Variants in NEK10 observed in about 807,000 individuals in gnomAD.
The protein encoded by NEK10 is serine/threonine-protein kinase Nek10.
Under a neutral mutation model 159.8 loss-of-function variants are expected in NEK10, and 122 were observed. That is an observed-to-expected ratio of 0.76 (90% CI 0.66 to 0.89). The LOEUF (loss-of-function observed/expected upper bound fraction) is 0.89, where lower values mean the gene tolerates loss of function less well. Ranked by LOEUF, NEK10 falls within the 40% of genes least tolerant of loss-of-function variation. NEK10 has a pLI of 0.00. For missense variants in NEK10, 1,342 were observed against 1,323.1 expected, an observed-to-expected ratio of 1.01 and a Z score of -0.22; for synonymous variants, 466 against 457.1, an observed-to-expected ratio of 1.02 and a Z score of -0.25.
At chr3:27,236,926 C>T (rs1953981110) in intron 23 of NEK10, among the ~76,000 whole-genome samples, 2 of 152,252 alleles carry the variant, frequency 1.3e-5, no homozygotes, top group African/African-American at 2.4e-5. Context: ...CTCTAATAAG[C>T]CTCAGGGTAC....
rs764434966 is a variant in NEK10 at position 27,284,559 on chromosome 3, T to G, written c.2014+43A>C. The G allele has an allele frequency of 2.8e-6, 3 of 1,083,038 alleles. No individual in the cohort carries two copies. The Middle Eastern group carries it at 7.4e-4, about 268-fold the overall frequency. 67.1% of individuals were successfully genotyped at this position (1,083,038 alleles called of 1,614,324 possible). ...GGACACTACTACTCTAGGATAGTATTCAGGAATTCTTCAGTTAAAAGTTTA... is the reference window on the plus strand; with the variant it reads ...GGACACTACTACTCTAGGATAGTATGCAGGAATTCTTCAGTTAAAAGTTTA... On this transcript the variant is annotated intron_variant, in intron 22 of 35. Transcript: ENST00000691995.
At chr3:27,131,733 GAC>G (rs2125518943) in intron 32 of NEK10, 145 bp downstream of exon 32, 1 of 420,876 alleles carries the variant, frequency 2.4e-6, no homozygotes, top group South Asian at 8.7e-5. Context: ...CAGAAGCAAA[GAC>G]ATATCCTCAA....
At chr3:27,293,521 T>C (rs1340041452) in intron 16 of NEK10, 67 bp downstream of exon 16, 2 of 782,704 alleles carry the variant, frequency 2.6e-6, no homozygotes, top group African/African-American at 1.7e-5. Flanking sequence ...AAGCCAAGTA[T>C]GTGAAAACAG....
At chr3:27,174,368 A>C in intron 28 of NEK10, 71 bp downstream of exon 28, 1 of 1,601,228 alleles carries the variant, frequency 6.2e-7, no homozygotes, top group Non-Finnish European at 8.5e-7. Context: ...TATTTGCTTG[A>C]CTCAAGTATG....
At chr3:27,137,090 AT>A (rs1559500601) in intron 31 of NEK10, among the ~76,000 whole-genome samples, 1 of 152,204 alleles carries the variant, frequency 6.6e-6, no homozygotes, top group Admixed American at 6.6e-5. Context: ...TTTGAAAGTC[AT>A]TGACTTTGTT....
intron 7 of NEK10, 103 bp downstream of exon 7, chr3:27,314,194 C>G: frequency 1.3e-6 from 1 of 783,638 alleles, no homozygotes; most frequent in Admixed American, 2.0e-5. Flanking sequence ...GGGCAGACAG[C>G]ATAACATAGG....
chr3:27,140,984 A>AG (rs2125576836), intron 31 of NEK10, among the ~76,000 whole-genome samples: 1 of 152,258 alleles, frequency 6.6e-6, no homozygotes, highest in East Asian at 1.9e-4. Flanking sequence ...ATTAATAGCC[A>AG]TTTTTTAGCA....
chr3:27,358,355 A>C (rs1402061313), intron 1 of NEK10, among the ~76,000 whole-genome samples: 1 of 152,186 alleles, frequency 6.6e-6, no homozygotes, highest in East Asian at 1.9e-4. Context: ...GACTTTTCCA[A>C]ACCTCAGGGT....
intron 5 of NEK10, among the ~76,000 whole-genome samples, chr3:27,328,245 T>A (rs1015654669): frequency 2.0e-5 from 3 of 152,138 alleles, no homozygotes; most frequent in African/African-American, 7.2e-5. Context: ...AGCCCAGGAG[T>A]ACAGCAGAGG....
intron 22 of NEK10, among the ~76,000 whole-genome samples, chr3:27,262,416 C>T (rs555353471): frequency 6.6e-6 from 1 of 152,260 alleles, no homozygotes; most frequent in African/African-American, 2.4e-5. Context: ...GGATAATATC[C>T]CACAGAGTGT....
chr3:27,264,867 C>G (rs1311496384), intron 22 of NEK10, among the ~76,000 whole-genome samples: 1 of 151,498 alleles, frequency 6.6e-6, no homozygotes, highest in African/African-American at 2.4e-5. Flanking sequence ...GCACTCCAGC[C>G]TGGGCAACAT....
At chr3:27,285,858 T>C (rs2042555523) in intron 20 of NEK10, among the ~76,000 whole-genome samples, 2 of 152,208 alleles carry the variant, frequency 1.3e-5, no homozygotes, top group South Asian at 4.1e-4. Context: ...CTGCTGGTTG[T>C]ATGGTATTGC....
Position 27,331,262 on chromosome 3 carries a change from A to AAAAAAAAAAAAAAACAC in NEK10, c.363-9002_363-9001insGTGTTTTTTTTTTTTTT. Among the ~76,000 whole-genome samples, 19 of 110,136 alleles carry AAAAAAAAAAAAAAACAC rather than the reference A, an allele frequency of 1.7e-4. 1 individual carries two copies. Among genetic ancestry groups the AAAAAAAAAAAAAAACAC allele is most frequent in the Non-Finnish European group, 2.5e-4 (13 of 51,060 alleles). 72.3% of individuals were successfully genotyped at this position (110,136 alleles called of 152,430 possible). ...CAAAAAAAAAAAAACAAAAAAAAAA[A>AAAAAAAAAAAAAAACAC]ACACACAAACCTAAGACTTTTGAGG... On this transcript the variant is annotated intron_variant, in intron 5 of 35. Transcript: ENST00000691995.
intron 22 of NEK10, among the ~76,000 whole-genome samples, chr3:27,261,239 C>T (rs1260726368): frequency 2.6e-5 from 4 of 152,106 alleles, no homozygotes; most frequent in Admixed American, 6.6e-5. Context: ...CTGCTCTGAT[C>T]TTAGTTATTT....
chr3:27,280,890 ATG>A (rs1163666767), intron 22 of NEK10, among the ~76,000 whole-genome samples: 2 of 145,548 alleles, frequency 1.4e-5, no homozygotes, highest in Admixed American at 6.9e-5. Context: ...GTGTGTGTAT[ATG>A]TGTGTGTATA....
At chr3:27,238,328 T>A (rs1954172019) in intron 23 of NEK10, among the ~76,000 whole-genome samples, 1 of 152,174 alleles carries the variant, frequency 6.6e-6, no homozygotes, top group Non-Finnish European at 1.5e-5. Flanking sequence ...AGAAAGGAAT[T>A]TGGAATCTGG....
chr3:27,344,827 T>A (rs2047443147), intron 4 of NEK10, among the ~76,000 whole-genome samples: 1 of 152,206 alleles, frequency 6.6e-6, no homozygotes, highest in Non-Finnish European at 1.5e-5. Context: ...CCAGTGGTTA[T>A]CATTTATAAT....
chr3:27,337,028 G>T lies in NEK10; in HGVS notation c.362+7244C>A, dbSNP rs968272724. Among the ~76,000 whole-genome samples, 9 of 140,206 alleles carry T rather than the reference G, an allele frequency of 6.4e-5. No homozygotes were observed. The East Asian group carries it at 1.4e-3, about 22-fold the overall frequency. 92.0% of individuals were successfully genotyped at this position (140,206 alleles called of 152,430 possible). On this transcript the variant is annotated intron_variant, in intron 5 of 35. Transcript: ENST00000691995. ...AAAGAAATAAAAGGCATACACATTT[G>T]GCGGGGGGGAAAGGAAGATGTACCT...
At chr3:27,198,988 G>A (rs998207032) in intron 25 of NEK10, among the ~76,000 whole-genome samples, 1 of 150,198 alleles carries the variant, frequency 6.7e-6, no homozygotes, top group African/African-American at 2.4e-5. Flanking sequence ...CAGGAGAATC[G>A]CTTGAACCTG....
Sources: allele counts gnomAD v4.1 joint callset (sites outside exome capture counted in the v4.1 genomes callset), GRCh38; gene constraint gnomAD v4.1.1; transcripts MANE v1.5; gene names NCBI Gene and HGNC (gene_info 2026-07-23, HGNC 2026-07-21).